The following TOGARAM1 variants were observed in gnomAD, a reference collection of about 807,000 sequenced individuals.
The protein encoded by TOGARAM1 is TOG array regulator of axonemal microtubules protein 1.
TOGARAM1 carries 100 observed loss-of-function variants against 166.6 expected under a neutral mutation model. The ratio of observed to expected loss-of-function variants is 0.60; its 90% CI spans 0.51 to 0.71. TOGARAM1 has a LOEUF of 0.71. TOGARAM1 is among the 30% of genes least tolerant of loss of function. TOGARAM1 has a pLI of 0.00. For synonymous variants in TOGARAM1, 758 were observed against 763.8 expected (o/e 0.99, Z 0.13); for missense variants, 2,029 against 2,102.7 (o/e 0.96, Z 0.69).
In TOGARAM1 at chr14:45,009,013, A is replaced by C; in HGVS notation, c.3005A>C (p.Lys1002Thr). 2 of 1,614,142 alleles carry C rather than the reference A, an allele frequency of 1.2e-6. No homozygotes were observed. Residue 1002 changes from lysine (K) to threonine (T), a missense_variant, in exon 6 of 20, where the codon AAG (lysine) becomes ACG (threonine). Transcript: ENST00000361462. ...SDLESPDSAM[K>T]LDLTMDSPSL... is the part of the protein sequence containing the mutation. ...CTTGAAAGCCCTGATTCTGCAATGAAGCTCGACTTGACGATGGACTCCCCG... is the reference window on the plus strand; with the variant it reads ...CTTGAAAGCCCTGATTCTGCAATGACGCTCGACTTGACGATGGACTCCCCG...
chr14:45,064,595 C>G (rs996335490), intron 16 of TOGARAM1, among the ~76,000 whole-genome samples: 4 of 152,020 alleles, frequency 2.6e-5, no homozygotes, highest in Non-Finnish European at 4.4e-5. Flanking sequence ...CTTAGCCTCC[C>G]GAGTACCTGG....
chr14:45,025,719 C>G, intron 7 of TOGARAM1, 64 bp from the exon 8 acceptor site: 1 of 897,280 alleles, frequency 1.1e-6, no homozygotes, highest in Non-Finnish European at 1.8e-6. Context: ...TTACAATATC[C>G]TAAGATACTA....
At chr14:45,042,711 A>C (rs1881790102) in intron 11 of TOGARAM1, among the ~76,000 whole-genome samples, 1 of 152,178 alleles carries the variant, frequency 6.6e-6, no homozygotes, top group Non-Finnish European at 1.5e-5. Context: ...TGCCTAAAAA[A>C]ATCAATATGC....
At chr14:44,972,757 T>C (rs1191844962) in intron 1 of TOGARAM1, among the ~76,000 whole-genome samples, 1 of 152,162 alleles carries the variant, frequency 6.6e-6, no homozygotes, top group Non-Finnish European at 1.5e-5. Flanking sequence ...TATATCTATC[T>C]TTATATTTAA....
intron 14 of TOGARAM1, among the ~76,000 whole-genome samples, chr14:45,047,049 A>G (rs1454616261): frequency 6.6e-6 from 1 of 152,218 alleles, no homozygotes. Context: ...GGAAAATGAT[A>G]TATTTTCCAA....
At chr14:45,003,500 TA>T (rs1357116322) in intron 3 of TOGARAM1, among the ~76,000 whole-genome samples, 1 of 151,294 alleles carries the variant, frequency 6.6e-6, no homozygotes, top group East Asian at 1.9e-4. Context: ...ACTTACAACT[TA>T]AATGACAGAG....
intron 11 of TOGARAM1, among the ~76,000 whole-genome samples, chr14:45,041,913 C>T (rs1594683373): frequency 6.6e-6 from 1 of 152,224 alleles, no homozygotes; most frequent in African/African-American, 2.4e-5. Context: ...CAGGTGCACA[C>T]TACTACGCCT....
chr14:44,969,145 C>T lies in TOGARAM1; in HGVS notation c.2046+4678C>T, dbSNP rs201830785. 4.3e-3 allele frequency among the ~76,000 whole-genome samples: 495 copies of T among 116,286 alleles called. 3 individuals carry two copies. The highest frequency in any genetic ancestry group is 0.03 in the South Asian group (112 of 3,768). 76.3% of individuals were successfully genotyped at this position (116,286 alleles called of 152,430 possible). ...TCCTTCCTTCCTTCCTTCCTTCCTT[C>T]CTTTCTTTCTTTCTTTTCTTTCTTT... On this transcript the variant is annotated intron_variant, in intron 1 of 19. Coordinates refer to ENST00000361462, the MANE Select transcript of TOGARAM1 (RefSeq NM_001308120.2).
rs1353557593 is a variant in TOGARAM1 at position 45,027,340 on chromosome 14, C to T, written c.3370C>T (p.Gln1124Ter). 9 of 1,613,132 alleles carry T rather than the reference C, an allele frequency of 5.6e-6. No homozygotes were observed. The highest frequency in any genetic ancestry group is 7.6e-6 in the Non-Finnish European group (9 of 1,179,794). The change falls in exon 9 of 20, where the codon CAA becomes TAA. Residue 1124 changes from glutamine to a stop codon, truncating the protein, a stop_gained. Transcript: ENST00000361462. LOFTEE classifies it high-confidence loss of function. ...AAGTTCAGCACCAGCAACCTGCAGC[C>T]AATCAGTGATATCTTCTGTGGAAAA... ...SLSSAPATCS[Q>*]SVISSVENGD... is the part of the protein sequence containing the mutation.
At chr14:45,023,996 C>A (rs1206888075) in intron 7 of TOGARAM1, among the ~76,000 whole-genome samples, 1 of 152,184 alleles carries the variant, frequency 6.6e-6, no homozygotes, top group Non-Finnish European at 1.5e-5. Context: ...CCACCTCGGC[C>A]CCACAAAGTG....
chr14:45,067,026 A>G (rs1435304742), intron 17 of TOGARAM1, among the ~76,000 whole-genome samples: 1 of 152,206 alleles, frequency 6.6e-6, no homozygotes. Flanking sequence ...TTCTCTCTAT[A>G]TCTATATACA....
chr14:44,963,077 TACA>T lies in TOGARAM1; in HGVS notation c.661_663del (p.Gln221del), dbSNP rs1191391502. 4 of 1,614,088 alleles carry T rather than the reference TACA, an allele frequency of 2.5e-6. No homozygotes were observed. The African/African-American group carries it at 4.0e-5, about 16-fold the overall frequency. ...CCTGGAGAGGTGCTGAGAACGCTTA[TACA>T]ACAAGGACTGGAAAGTACCGATGCC... On this transcript the variant is annotated inframe_deletion, in exon 1 of 20. Transcript: ENST00000361462.
chr14:45,063,485 T>TG (rs1332159772), intron 16 of TOGARAM1, among the ~76,000 whole-genome samples: 2 of 132,690 alleles, frequency 1.5e-5, no homozygotes, highest in Non-Finnish European at 3.2e-5. Context: ...CAAAGTTTTT[T>TG]TTTTTTTTTT....
chr14:45,004,162 A>T lies in TOGARAM1; in HGVS notation c.2440A>T (p.Ile814Phe). 6.2e-7 allele frequency: 1 copy of T among 1,614,134 alleles called. No homozygotes were observed. Among genetic ancestry groups the T allele is most frequent in the Non-Finnish European group, 8.5e-7 (1 of 1,180,014 alleles). Residue 814 changes from isoleucine to phenylalanine, a missense_variant, in exon 4 of 20, where the codon ATC becomes TTC. Transcript: ENST00000361462. ...NGQNPSPGAY[I>F]LPSYPVSSPR... Reference sequence around the variant, plus strand: ...TCAAAATCCAAGTCCAGGAGCTTACATCCTTCCATCCTATCCTGTCTCATC... The same window carrying T: ...TCAAAATCCAAGTCCAGGAGCTTACTTCCTTCCATCCTATCCTGTCTCATC...
chr14:45,068,409 C>A lies in TOGARAM1; in HGVS notation c.4750-15C>A. 3.3e-6 allele frequency: 5 copies of A among 1,535,700 alleles called. No individual in the cohort carries two copies. The highest frequency in any genetic ancestry group is 4.5e-6 in the Non-Finnish European group (5 of 1,119,792). On this transcript the variant is annotated splice_polypyrimidine_tract_variant and intron_variant, in intron 17 of 19. Transcript: ENST00000361462. ...AAATCATTTTACTTTAAATAATTTA[C>A]CAATTTATTTTCAGATTTTTGATGC...
At chr14:45,012,631 C>G (rs1317361046) in intron 7 of TOGARAM1, among the ~76,000 whole-genome samples, 1 of 151,898 alleles carries the variant, frequency 6.6e-6, no homozygotes, top group Non-Finnish European at 1.5e-5. Flanking sequence ...AGGGTGAGAA[C>G]TGCATGTGAT....
intron 11 of TOGARAM1, among the ~76,000 whole-genome samples, chr14:45,035,993 A>G (rs1274522006): frequency 6.6e-6 from 1 of 150,956 alleles, no homozygotes; most frequent in African/African-American, 2.4e-5. Flanking sequence ...ATCTGGATGC[A>G]GTGATGTGTT....
chr14:45,049,984 G>C lies in TOGARAM1; in HGVS notation c.4314-2452G>C, dbSNP rs181417476. ...TATAAAATGGTTACAATTAATTTTC[G>C]AGTTTTGTATTTCTCACATTTTGTG... On this transcript the variant is annotated intron_variant, in intron 14 of 19. Coordinates refer to ENST00000361462, the MANE Select transcript of TOGARAM1 (RefSeq NM_001308120.2). Among the ~76,000 whole-genome samples, 4 of 151,964 alleles carry C rather than the reference G, an allele frequency of 2.6e-5. No individual in the cohort carries two copies. The South Asian group carries it at 8.3e-4, about 32-fold the overall frequency.
At chr14:45,024,175 G>A (rs762598106) in intron 7 of TOGARAM1, among the ~76,000 whole-genome samples, 21 of 152,152 alleles carry the variant, frequency 1.4e-4, no homozygotes, top group South Asian at 1.0e-3. Context: ...TGTATGTGAA[G>A]GACCTAGGTG....
Sources: gnomAD v4.1 joint callset for allele counts (sites outside exome capture counted in the v4.1 genomes callset) on GRCh38, gnomAD v4.1.1 for gene constraint, MANE v1.5 for transcripts, NCBI Gene and HGNC (gene_info 2026-07-23, HGNC 2026-07-21) for gene names.